C1QB: variants seen among roughly 807,000 people sequenced by gnomAD.
The protein encoded by C1QB is complement C1q B chain.
A neutral mutation model predicts 4.6 loss-of-function variants in C1QB; 2 were observed. The observed-to-expected ratio is 0.43, with a 90% CI of 0.18 to 1.36. The LOEUF (loss-of-function observed/expected upper bound fraction) is 1.36, where lower values mean the gene tolerates loss of function less well. Among genes scored for constraint, C1QB ranks in the 40% most tolerant of loss-of-function variants. C1QB has a pLI of 0.28. For synonymous variants in C1QB, 132 were observed against 137.1 expected, an observed-to-expected ratio of 0.96 and a Z score of 0.26; for missense variants, 292 against 338.0, an observed-to-expected ratio of 0.86 and a Z score of 1.07.
At position 22,660,932 on chromosome 1, in the gene C1QB, C is replaced by T. The variant is rs1642610268; in HGVS notation, c.302C>T (p.Ala101Val). The T allele has an allele frequency of 6.2e-7, 1 of 1,613,500 alleles. No individual in the cohort carries two copies. The highest frequency in any genetic ancestry group is 1.3e-5 in the African/African-American group (1 of 74,976). Residue 101 changes from alanine to valine, a missense_variant, in exon 3 of 3, where the codon GCC becomes GTC. Coordinates refer to ENST00000509305, the MANE Select transcript of C1QB (RefSeq NM_001378156.1). ...GPMGPKGGPG[A>V]PGAPGPKGES... ...ATGGGCCCTAAAGGTGGCCCAGGGG[C>T]CCCTGGAGCCCCAGGCCCCAAAGGT...
chr1:22,657,261 T>C (rs1433008803), intron 1 of C1QB, among the ~76,000 whole-genome samples: 1 of 152,126 alleles, frequency 6.6e-6, no homozygotes, highest in Non-Finnish European at 1.5e-5. Flanking sequence ...CAGCCATCAA[T>C]CAATCATTAG....
rs751754840 is a variant in C1QB, at chr1:22,661,244, TCA to T, written c.616_617del (p.Thr206HisfsTer78). 1 of 1,613,164 alleles carries T rather than the reference TCA, an allele frequency of 6.2e-7. No homozygotes were observed. Among genetic ancestry groups the T allele is most frequent in the East Asian group, 2.2e-5 (1 of 44,818 alleles). On this transcript the variant is annotated frameshift_variant, in exon 3 of 3. Transcript: ENST00000509305. LOFTEE classifies it high-confidence loss of function. ...GACTATGCCTACAACACCTTCCAGG[TCA>T]CCACCGGTGGCATGGTCCTCAAGCT...
chr1:22,654,769 C>T (rs187774553), intron 1 of C1QB, among the ~76,000 whole-genome samples: 87 of 152,286 alleles, frequency 5.7e-4, no homozygotes, highest in African/African-American at 2.0e-3. Context: ...TACAGGCTCC[C>T]GCCACCAGGT....
rs1260951047 is a variant in C1QB at position 22,659,123 on chromosome 1, T to C, written c.-23-317T>C. On this transcript the variant is annotated intron_variant, in intron 1 of 2. Coordinates refer to ENST00000509305, the MANE Select transcript of C1QB (RefSeq NM_001378156.1). ...GATGCAGGGATGGAGGATAGAGAGA[T>C]AGATGGATGGATGGATGAATGGATG... 3.3e-5 allele frequency among the ~76,000 whole-genome samples: 4 copies of C among 122,922 alleles called. No individual in the cohort carries two copies. In the East Asian group the frequency reaches 7.6e-4, roughly 23 times the overall value. The allele number at this position is 122,922 out of a possible 152,430, so 80.6% of individuals were successfully genotyped here. A position where few individuals can be genotyped will look rare whatever the true frequency, so the allele number is the denominator to read the frequency against.
At chr1:22,659,777 A>G in intron 2 of C1QB, 134 bp downstream of exon 2, 2 of 1,055,130 alleles carry the variant, frequency 1.9e-6, no homozygotes, top group South Asian at 2.9e-5. Flanking sequence ...CCTTGCAGTA[A>G]CTTTGCAAGG....
chr1:22,660,396 G>T (rs959638820), intron 2 of C1QB, among the ~76,000 whole-genome samples: 1 of 152,112 alleles, frequency 6.6e-6, no homozygotes, highest in Non-Finnish European at 1.5e-5. Flanking sequence ...TGGCTGCTTG[G>T]GGGGTGGAGT....
Position 22,658,515 on chromosome 1 carries a change from A to G in C1QB, c.-23-925A>G, listed in dbSNP as rs145555934. 3.5e-4 allele frequency among the ~76,000 whole-genome samples: 53 copies of G among 152,252 alleles called. No homozygotes were observed. The South Asian group carries it at 7.7e-3, about 22-fold the overall frequency. ...TTCAGAGCACCAATCACGGTCTATC[A>G]CTATTTCTATTTACTTTATGCTGAC... On this transcript the variant is annotated intron_variant, in intron 1 of 2. Coordinates refer to ENST00000509305, the MANE Select transcript of C1QB (RefSeq NM_001378156.1).
At position 22,659,007 on chromosome 1, in the gene C1QB, A is replaced by G. The variant is rs144739002; in HGVS notation, c.-23-433A>G. ...GACAGAGGGATGCATGGGTGGATGA[A>G]TGGATGCAGGGATGGAGGGATAGAG... On this transcript the variant is annotated intron_variant, in intron 1 of 2. Transcript: ENST00000509305. 3.6e-3 allele frequency among the ~76,000 whole-genome samples: 522 copies of G among 144,384 alleles called. 12 individuals are homozygous for G. The highest frequency in any genetic ancestry group is 0.033 in the Admixed American group (482 of 14,670). The allele number at this position is 144,384 out of a possible 152,430, so 94.7% of individuals were successfully genotyped here.
rs760994723 is a variant in C1QB at position 22,659,551 on chromosome 1, C to G, written c.89C>G (p.Thr30Ser). 18 of 1,614,068 alleles carry G rather than the reference C, an allele frequency of 1.1e-5. No homozygotes were observed. The East Asian group carries it at 1.3e-4, about 12-fold the overall frequency. Reference sequence around the variant, plus strand: ...ATCTCCCAGGCCCAGCTCAGCTGCACCGGGCCCCCAGCCATCCCTGGCATC... The same window carrying G: ...ATCTCCCAGGCCCAGCTCAGCTGCAGCGGGCCCCCAGCCATCCCTGGCATC... ...IDISQAQLSC[T>S]GPPAIPGIPG... is the part of the protein sequence containing the mutation. The change falls in exon 2 of 3, where the codon ACC becomes AGC. Residue 30 changes from threonine to serine, a missense_variant. Coordinates refer to ENST00000509305, the MANE Select transcript of C1QB (RefSeq NM_001378156.1).
chr1:22,653,768 G>T (rs1185601713), intron 1 of C1QB, among the ~76,000 whole-genome samples: 1 of 152,180 alleles, frequency 6.6e-6, no homozygotes, highest in Non-Finnish European at 1.5e-5. Context: ...TTATAAGCCA[G>T]TCGCTCCTGC....
At chr1:22,659,897 T>G (rs1004281110) in intron 2 of C1QB, among the ~76,000 whole-genome samples, 26 of 152,186 alleles carry the variant, frequency 1.7e-4, no homozygotes, top group African/African-American at 6.0e-4. Context: ...ACCACGGATC[T>G]CTTACCATTA....
At chr1:22,655,455 A>G (rs1642516545) in intron 1 of C1QB, among the ~76,000 whole-genome samples, 1 of 151,528 alleles carries the variant, frequency 6.6e-6, no homozygotes, top group African/African-American at 2.4e-5. Context: ...TAGGAGCCAA[A>G]TATCAGTAGG....
At chr1:22,655,818 T>G (rs1483760232) in intron 1 of C1QB, among the ~76,000 whole-genome samples, 1 of 152,174 alleles carries the variant, frequency 6.6e-6, no homozygotes, top group Non-Finnish European at 1.5e-5. Context: ...GAGACCACTC[T>G]GCTCCCCCAT....
intron 1 of C1QB, among the ~76,000 whole-genome samples, chr1:22,656,262 G>A (rs779852716): frequency 1.3e-5 from 2 of 152,090 alleles, no homozygotes; most frequent in Non-Finnish European, 2.9e-5. Flanking sequence ...CCTCTCCTGG[G>A]TATAAACCCC....
intron 2 of C1QB, among the ~76,000 whole-genome samples, 194 bp downstream of exon 2, chr1:22,659,837 G>A (rs1395110303): frequency 6.6e-6 from 1 of 152,226 alleles, no homozygotes. Context: ...CATCTAGAAA[G>A]TCTGCTGACT....
At chr1:22,660,567 G>A (rs1367885180) in intron 2 of C1QB, among the ~76,000 whole-genome samples, 1 of 152,102 alleles carries the variant, frequency 6.6e-6, no homozygotes, top group African/African-American at 2.4e-5. Context: ...GGCCGGCCTA[G>A]CACCTTCCTT....
At chr1:22,659,750 C>A in intron 2 of C1QB, 107 bp downstream of exon 2, 2 of 1,331,584 alleles carry the variant, frequency 1.5e-6, no homozygotes, top group East Asian at 2.5e-5. Context: ...ACTGGCAAAT[C>A]CAGCAGCTTG....
chr1:22,656,659 C>T (rs955824371), intron 1 of C1QB, among the ~76,000 whole-genome samples: 4 of 152,170 alleles, frequency 2.6e-5, no homozygotes, highest in African/African-American at 9.7e-5. Context: ...TCTCCCCACA[C>T]ACCAAGCAAG....
At chr1:22,657,926 C>T (rs1162915513) in intron 1 of C1QB, among the ~76,000 whole-genome samples, 1 of 152,154 alleles carries the variant, frequency 6.6e-6, no homozygotes, top group Non-Finnish European at 1.5e-5. Flanking sequence ...TTGCCAGAGT[C>T]ACAGCTCTGA....
Sources: allele counts gnomAD v4.1 joint callset (sites outside exome capture counted in the v4.1 genomes callset), GRCh38; gene constraint gnomAD v4.1.1; transcripts MANE v1.5; gene names NCBI Gene and HGNC (gene_info 2026-07-23, HGNC 2026-07-21).